SLC22A2: variants seen among roughly 807,000 people sequenced by gnomAD.
The protein encoded by SLC22A2 is organic cation transporter 2.
SLC22A2 carries 46 observed loss-of-function variants against 60.5 expected under a neutral mutation model. The ratio of observed to expected loss-of-function variants is 0.76; its 90% CI spans 0.60 to 0.97. The LOEUF (loss-of-function observed/expected upper bound fraction) is 0.97. SLC22A2 is among the 50% of genes least tolerant of loss of function. The probability of loss-of-function intolerance (pLI) is 0.00; values close to 1 mark genes in which losing one functional copy is unlikely to be tolerated. For synonymous variants in SLC22A2, 303 were observed against 267.0 expected, an observed-to-expected ratio of 1.13 and a Z score of -1.31; for missense variants, 701 against 706.6, an observed-to-expected ratio of 0.99 and a Z score of 0.09.
intron 9 of SLC22A2, among the ~76,000 whole-genome samples, chr6:160,233,757 T>TA (rs1782863877): frequency 6.6e-6 from 1 of 151,838 alleles, no homozygotes; most frequent in African/African-American, 2.4e-5. Context: ...TCCTTCAGCT[T>TA]AATCTCTCCC....
intron 9 of SLC22A2, among the ~76,000 whole-genome samples, chr6:160,226,959 C>G (rs1245770930): frequency 6.6e-6 from 1 of 152,114 alleles, no homozygotes; most frequent in African/African-American, 2.4e-5. Flanking sequence ...ACAACAGACT[C>G]TTTGTAGCAA....
intron 2 of SLC22A2, among the ~76,000 whole-genome samples, chr6:160,253,295 C>A (rs1783216955): frequency 6.6e-6 from 1 of 152,114 alleles, no homozygotes; most frequent in East Asian, 1.9e-4. Flanking sequence ...TTATATGCAA[C>A]CCACGTTTAA....
intron 9 of SLC22A2, among the ~76,000 whole-genome samples, chr6:160,225,250 T>C (rs191198133): frequency 9.3e-4 from 142 of 152,314 alleles, no homozygotes; most frequent in Non-Finnish European, 1.9e-3. Context: ...CTAAAAAGTA[T>C]AGCCAGGATT....
chr6:160,255,284 TC>T (rs3842083), intron 2 of SLC22A2, among the ~76,000 whole-genome samples: 105,514 of 152,134 alleles, frequency 0.69, 38,472 homozygotes, highest in Admixed American at 0.81. Context: ...TCCACTTTTA[TC>T]CCTCTTCCCT....
intron 9 of SLC22A2, among the ~76,000 whole-genome samples, chr6:160,239,300 T>C (rs1782962334): frequency 6.6e-6 from 1 of 152,124 alleles, no homozygotes; most frequent in Non-Finnish European, 1.5e-5. Flanking sequence ...AACTCACGAA[T>C]AATCCACTCC....
chr6:160,217,337 T>G lies in SLC22A2; in HGVS notation c.*95A>C. The G allele has an allele frequency of 9.4e-5, 70 of 741,042 alleles. No homozygotes were observed. Among genetic ancestry groups the G allele is most frequent in the Non-Finnish European group, 1.3e-4 (58 of 439,144 alleles). 45.9% of individuals were successfully genotyped at this position (741,042 alleles called of 1,614,324 possible). The stretch of plus-strand genomic sequence containing the variant: ...GATAGGGCTCAGGGGTAAGTTTGGT[T>G]GAGTTGTATGGGCTTTGTGATGAGT... On this transcript the variant is annotated 3_prime_UTR_variant, in exon 11 of 11. Coordinates refer to ENST00000366953, the MANE Select transcript of SLC22A2 (RefSeq NM_003058.4).
chr6:160,221,628 C>T (rs1175846885), intron 10 of SLC22A2, among the ~76,000 whole-genome samples: 1 of 152,184 alleles, frequency 6.6e-6, no homozygotes, highest in African/African-American at 2.4e-5. Context: ...TCATTTAACA[C>T]CTAGAGGGCA....
In SLC22A2 at chr6:160,241,518, T is replaced by G; in HGVS notation, c.1457A>C (p.Tyr486Ser). The change falls in exon 9 of 11, where the codon TAC becomes TCC. Residue 486 changes from tyrosine (Y) to serine (S), a missense_variant. Coordinates refer to ENST00000366953, the MANE Select transcript of SLC22A2 (RefSeq NM_003058.4). The part of the protein sequence containing the change: ...IGGIITPFLV[Y>S]RLTNIWLELP... The stretch of plus-strand genomic sequence containing the variant: ...CTCAAGCCAGATGTTAGTGAGCCGG[T>G]AGACCAGGAATGGCGTGATGATGCC... 1 of 1,613,808 alleles carries G rather than the reference T, an allele frequency of 6.2e-7. No homozygotes were observed. The highest frequency in any genetic ancestry group is 8.5e-7 in the Non-Finnish European group (1 of 1,179,782).
chr6:160,226,235 CT>C, intron 9 of SLC22A2, among the ~76,000 whole-genome samples: 1 of 152,298 alleles, frequency 6.6e-6, no homozygotes, highest in East Asian at 1.9e-4. Context: ...GATTTCACCC[CT>C]GACCAATCAG....
At chr6:160,228,819 T>C (rs1447074551) in intron 9 of SLC22A2, among the ~76,000 whole-genome samples, 1 of 151,816 alleles carries the variant, frequency 6.6e-6, no homozygotes, top group African/African-American at 2.4e-5. Flanking sequence ...TCGTCCTGGC[T>C]CAAAAGCTCC....
At chr6:160,245,694 A>ATT (rs11422120) in intron 5 of SLC22A2, 149 bp from the exon 6 acceptor site, 12,837 of 162,712 alleles carry the variant, frequency 0.079, 525 homozygotes, top group African/African-American at 0.095. Flanking sequence ...GTCCCATTTC[A>ATT]TTTTTTTTTT....
At position 160,243,819 on chromosome 6, in the gene SLC22A2, G is replaced by C. The variant is rs1243500690; in HGVS notation, c.1065-33C>G. 9 of 1,513,112 alleles carry C rather than the reference G, an allele frequency of 5.9e-6. 1 individual carries two copies. The South Asian group carries it at 1.0e-4, about 17-fold the overall frequency. 93.7% of individuals were successfully genotyped at this position (1,513,112 alleles called of 1,614,324 possible). A position where few individuals can be genotyped will look rare whatever the true frequency, so the allele number is the denominator to read the frequency against. On this transcript the variant is annotated intron_variant, in intron 6 of 10. Transcript: ENST00000366953. ...AAGAGGAGAGTTCAGGTCAAGTCAA[G>C]CACCAAACACAGGGCACCAAAAAAG...
At chr6:160,254,402 G>A (rs1188035829) in intron 2 of SLC22A2, among the ~76,000 whole-genome samples, 2 of 152,156 alleles carry the variant, frequency 1.3e-5, no homozygotes, top group Non-Finnish European at 2.9e-5. Flanking sequence ...TGATGAGGAA[G>A]TTATGGGTTA....
At chr6:160,221,928 T>C (rs2114848907) in intron 10 of SLC22A2, among the ~76,000 whole-genome samples, 1 of 152,338 alleles carries the variant, frequency 6.6e-6, no homozygotes, top group South Asian at 2.1e-4. Context: ...TGACATGAAG[T>C]GAGCACCTGC....
intron 7 of SLC22A2, 80 bp from the exon 8 acceptor site, chr6:160,242,482 G>A (rs1188747762): frequency 1.4e-5 from 12 of 838,692 alleles, no homozygotes; most frequent in Non-Finnish European, 2.3e-5. Context: ...GGGACTGTAA[G>A]GACAAATTCC....
chr6:160,227,965 A>G (rs183874924), intron 9 of SLC22A2, among the ~76,000 whole-genome samples: 8 of 152,354 alleles, frequency 5.3e-5, no homozygotes, highest in Admixed American at 5.2e-4. Flanking sequence ...GTTACCCTAT[A>G]TGGTCAAAAA....
At chr6:160,255,644 T>A (rs886112027) in intron 2 of SLC22A2, among the ~76,000 whole-genome samples, 1 of 152,182 alleles carries the variant, frequency 6.6e-6, no homozygotes. Flanking sequence ...TAGTTATGTA[T>A]CACTATCTCA....
In SLC22A2 at chr6:160,247,073, A is replaced by G. The variant is rs1314568128; in HGVS notation, c.957+111T>C. 4.6e-6 allele frequency: 3 copies of G among 656,780 alleles called. No individual in the cohort carries two copies. In the African/African-American group the frequency reaches 5.4e-5, roughly 12 times the overall value. The allele number at this position is 656,780 out of a possible 1,614,324, so 40.7% of individuals were successfully genotyped here. A position where few individuals can be genotyped will look rare whatever the true frequency, so the allele number is the denominator to read the frequency against. ...TTCCGCTACAGGTAAGCCAAAATGC[A>G]AGGGGGTGGGTGCTTCCATGGTTCC... On this transcript the variant is annotated intron_variant, in intron 5 of 10. Coordinates refer to ENST00000366953, the MANE Select transcript of SLC22A2 (RefSeq NM_003058.4).
At position 160,235,461 on chromosome 6, in the gene SLC22A2, G is replaced by A. The variant is rs572719693; in HGVS notation, c.1501+6013C>T. The stretch of plus-strand genomic sequence containing the variant: ...TCCTCTTTTTGGGTTAGAGGATATG[G>A]TATAAAAATGAGACCCTTAATTTCA... On this transcript the variant is annotated intron_variant, in intron 9 of 10. Transcript: ENST00000366953. Among the ~76,000 whole-genome samples the A allele has an allele frequency of 3.7e-4, 5 of 13,414 alleles. No individual in the cohort carries two copies. In the East Asian group the frequency reaches 0.023, roughly 61 times the overall value. The allele number at this position is 13,414 out of a possible 152,430, so 8.8% of individuals were successfully genotyped here.
Sources: allele counts gnomAD v4.1 joint callset (sites outside exome capture counted in the v4.1 genomes callset), GRCh38; gene constraint gnomAD v4.1.1; transcripts MANE v1.5; gene names NCBI Gene and HGNC (gene_info 2026-07-23, HGNC 2026-07-21).